The following AKT1 variants were observed in gnomAD, a reference collection of about 807,000 sequenced individuals.
The protein encoded by AKT1 is RAC-alpha serine/threonine-protein kinase.
In AKT1, 21 loss-of-function variants were observed where a neutral mutation model predicts 63.1. The ratio of observed to expected loss-of-function variants is 0.33; its 90% CI spans 0.24 to 0.48. The LOEUF (loss-of-function observed/expected upper bound fraction) is 0.48. Ranked by LOEUF, AKT1 falls within the 20% of genes least tolerant of loss-of-function variation. AKT1 has a pLI of 0.99. For missense variants in AKT1, 382 were observed against 666.0 expected (o/e 0.57, Z 4.69); for synonymous variants, 257 against 253.1 (o/e 1.02, Z -0.15).
At chr14:104,780,641 C>T (rs1892978694) in intron 3 of AKT1, among the ~76,000 whole-genome samples, 2 of 152,212 alleles carry the variant, frequency 1.3e-5, no homozygotes, top group African/African-American at 4.8e-5. Context: ...TGACAGCATT[C>T]CCCAATCAAC....
chr14:104,789,030 C>T (rs986685433), intron 3 of AKT1, among the ~76,000 whole-genome samples: 1 of 152,254 alleles, frequency 6.6e-6, no homozygotes, highest in African/African-American at 2.4e-5. Flanking sequence ...CCCACGCGCC[C>T]CAGGCAGCTT....
intron 3 of AKT1, among the ~76,000 whole-genome samples, chr14:104,785,561 A>T (rs1474997523): frequency 1.3e-5 from 2 of 152,152 alleles, no homozygotes; most frequent in Non-Finnish European, 2.9e-5. Flanking sequence ...CTGCTCTCCC[A>T]GAAAGCCCAC....
rs774786647 is a variant in AKT1 at position 104,772,350 on chromosome 14, G to A, written c.1260+15C>T. The A allele has an allele frequency of 1.9e-5, 31 of 1,613,224 alleles. No homozygotes were observed. Among genetic ancestry groups the A allele is most frequent in the East Asian group, 6.7e-5 (3 of 44,878 alleles). On this transcript the variant is annotated intron_variant, in intron 13 of 14. Coordinates refer to ENST00000649815, the MANE Select transcript of AKT1 (RefSeq NM_001382430.1). Reference sequence around the variant, plus strand: ...GGAGCATGCGTGCGCGTGAATATGCGGGGAGCAGCCGCACCTTCTTCTCGT... The same window carrying A: ...GGAGCATGCGTGCGCGTGAATATGCAGGGAGCAGCCGCACCTTCTTCTCGT...
chr14:104,770,455 A>T, intron 14 of AKT1, 35 bp from the exon 15 acceptor site: 1 of 1,530,268 alleles, frequency 6.5e-7, no homozygotes, highest in South Asian at 1.2e-5. Context: ...CCGGTGCCCC[A>T]CCTCCCTGCC....
chr14:104,784,894 C>G (rs1893254558), intron 3 of AKT1, among the ~76,000 whole-genome samples: 1 of 152,216 alleles, frequency 6.6e-6, no homozygotes, highest in Admixed American at 6.5e-5. Context: ...GTGTGTCAGC[C>G]CCCCTAGGCC....
chr14:104,778,583 A>G (rs1218198160), intron 4 of AKT1: 1 of 152,210 alleles, frequency 6.6e-6, no homozygotes, highest in African/African-American at 2.4e-5. Flanking sequence ...GCCCCTCCCA[A>G]CTAGAAGCTT....
At chr14:104,790,395 G>A (rs947642431) in intron 3 of AKT1, among the ~76,000 whole-genome samples, 1 of 152,184 alleles carries the variant, frequency 6.6e-6, no homozygotes, top group Non-Finnish European at 1.5e-5. Context: ...AGCACGGGTG[G>A]GGTCAGCCCA....
intron 4 of AKT1, chr14:104,777,688 C>T: frequency 1.0e-6 from 1 of 986,174 alleles, no homozygotes; most frequent in Non-Finnish European, 1.2e-6. Context: ...GGCTCTGGCC[C>T]AGCCTGTGCA....
rs140766305 is a variant in AKT1, at chr14:104,775,520, G to A, written c.435+132C>T. 127 of 1,341,452 alleles carry A rather than the reference G, an allele frequency of 9.5e-5. No individual in the cohort carries two copies. The African/African-American group carries it at 1.7e-3, about 18-fold the overall frequency. 83.1% of individuals were successfully genotyped at this position (1,341,452 alleles called of 1,614,324 possible). A position where few individuals can be genotyped will look rare whatever the true frequency, so the allele number is the denominator to read the frequency against. ...CTGGGAAGCAGCTGCGCCCTACATG[G>A]AAAACCGGCCTAGGTGGAGATGCCG... On this transcript the variant is annotated intron_variant, in intron 6 of 14. Transcript: ENST00000649815.
rs1185475918 is a variant in AKT1 at position 104,795,346 on chromosome 14, C to G, written c.-258+138G>C. ...CCCGCGCCCTCCCCGCCCAGGCCCGCTCGGCCACTTCCTGCTCCCGCTCCT... is the reference window on the plus strand; with the variant it reads ...CCCGCGCCCTCCCCGCCCAGGCCCGGTCGGCCACTTCCTGCTCCCGCTCCT... On this transcript the variant is annotated intron_variant, in intron 1 of 14. Transcript: ENST00000649815. This position sits in a 1 kb window ranked among gnomAD's most constrained non-coding sequence, Gnocchi z 5.1. 6.7e-6 allele frequency: 1 copy of G among 149,618 alleles called. No homozygotes were observed. Among genetic ancestry groups the G allele is most frequent in the Non-Finnish European group, 1.5e-5 (1 of 67,116 alleles). 9.3% of individuals were successfully genotyped at this position (149,618 alleles called of 1,614,324 possible).
intron 8 of AKT1, chr14:104,774,225 GCTGCCCCACACCACA>G (rs936106129): frequency 1.8e-4 from 96 of 547,516 alleles, no homozygotes; most frequent in East Asian, 6.3e-4. Flanking sequence ...CCCATGCCAC[GCTGCCCCACACCACA>G]CTGCCCCACA....
intron 6 of AKT1, 74 bp downstream of exon 6, chr14:104,775,578 G>A (rs1301881803): frequency 1.9e-6 from 3 of 1,556,024 alleles, no homozygotes; most frequent in East Asian, 2.3e-5. Flanking sequence ...GCCGAGCTGG[G>A]ACCCCATGAC....
At chr14:104,774,649 C>T (rs552170735) in intron 8 of AKT1, 6 of 462,910 alleles carry the variant, frequency 1.3e-5, no homozygotes, top group East Asian at 7.3e-5. Flanking sequence ...GGCAGGGCTG[C>T]AGGGCATGGG....
At chr14:104,786,826 C>T (rs1009530787) in intron 3 of AKT1, among the ~76,000 whole-genome samples, 10 of 151,982 alleles carry the variant, frequency 6.6e-5, no homozygotes, top group South Asian at 2.1e-4. Flanking sequence ...AGCGTCTCCG[C>T]GCCCTACACC....
At chr14:104,781,992 G>T (rs748435596) in intron 3 of AKT1, among the ~76,000 whole-genome samples, 1 of 152,166 alleles carries the variant, frequency 6.6e-6, no homozygotes, top group Non-Finnish European at 1.5e-5. Context: ...CTTGGGTGCC[G>T]GCTCCTGTCC....
At chr14:104,791,236 G>C (rs10149034) in intron 3 of AKT1, among the ~76,000 whole-genome samples, 5,467 of 152,224 alleles carry the variant, frequency 0.036, 219 homozygotes, top group African/African-American at 0.091. Flanking sequence ...GTGACACAGA[G>C]AGGAACAGGG....
intron 3 of AKT1, among the ~76,000 whole-genome samples, chr14:104,787,595 T>C (rs943442086): frequency 1.3e-5 from 2 of 152,310 alleles, no homozygotes; most frequent in South Asian, 4.1e-4. Context: ...GCAGGACTTC[T>C]AGGAACCCGG....
intron 9 of AKT1, 81 bp downstream of exon 9, chr14:104,773,831 G>T: frequency 7.0e-7 from 1 of 1,423,320 alleles, no homozygotes; most frequent in East Asian, 2.5e-5. Context: ...ATGGAGAGTA[G>T]CCGAGGCTCC....
rs1893837109 is a variant in AKT1, at chr14:104,795,324, G to A, written c.-258+160C>T. Among the ~76,000 whole-genome samples the A allele has an allele frequency of 6.7e-6, 1 of 149,868 alleles. No individual in the cohort carries two copies. The highest frequency in any genetic ancestry group is 1.5e-5 in the Non-Finnish European group (1 of 67,184). ...TCCCTTGGCCGGGCCCGCGCGCCCC[G>A]CGCCCTCCCCGCCCAGGCCCGCTCG... is the stretch of plus-strand genomic sequence containing the variant. On this transcript the variant is annotated intron_variant, in intron 1 of 14. Transcript: ENST00000649815. This position sits in a 1 kb window ranked among gnomAD's most constrained non-coding sequence, Gnocchi z 5.1.
Sources: gnomAD v4.1 joint callset for allele counts (sites outside exome capture counted in the v4.1 genomes callset) on GRCh38, gnomAD v4.1.1 for gene constraint, Gnocchi (gnomAD v3.1) non-coding constraint, MANE v1.5 for transcripts, NCBI Gene and HGNC (gene_info 2026-07-23, HGNC 2026-07-21) for gene names.